Variants in ATAD2B observed in about 807,000 individuals in gnomAD.
ATAD2B encodes the protein ATPase family AAA domain containing 2B.
In ATAD2B, 40 loss-of-function variants were observed where a neutral mutation model predicts 167.6. That is an observed-to-expected ratio of 0.24 (90% confidence interval 0.19 to 0.31). The LOEUF is 0.31. ATAD2B is among the 10% of genes least tolerant of loss of function. The probability of loss-of-function intolerance (pLI) is 1.00; values close to 1 mark genes in which losing one functional copy is unlikely to be tolerated. For synonymous variants in ATAD2B, 579 were observed against 596.5 expected, an observed-to-expected ratio of 0.97 and a Z score of 0.43; for missense variants, 1,242 against 1,757.2, an observed-to-expected ratio of 0.71 and a Z score of 5.24.
chr2:23,867,965 C>A lies in ATAD2B; in HGVS notation c.1077-19G>T. The A allele has an allele frequency of 6.6e-7, 1 of 1,518,470 alleles. No individual in the cohort carries two copies. Among genetic ancestry groups the A allele is most frequent in the East Asian group, 2.3e-5 (1 of 44,302 alleles). The allele number at this position is 1,518,470 out of a possible 1,614,324, so 94.1% of individuals were successfully genotyped here. On this transcript the variant is annotated intron_variant, in intron 9 of 27. Transcript: ENST00000238789. ...CAAACATCTGAAATTTATAAAAGTG[C>A]AAGTAAAGTTGCATTAAAAGTTTCA...
downstream of ATAD2B, among the ~76,000 whole-genome samples, chr2:23,745,417 G>GAAGGAAGGAAGGAAGGA (rs1553367898): frequency 5.3e-5 from 6 of 113,406 alleles, no homozygotes; most frequent in East Asian, 6.5e-4. Context: ...AGGAAGGAAG[G>GAAGGAAGGAAGGAAGGA]AAGGAAAGGG....
At chr2:23,738,612 G>T in the ATAD2B span, among the ~76,000 whole-genome samples, 1 of 152,098 alleles carries the variant, frequency 6.6e-6, no homozygotes, top group Admixed American at 6.6e-5. Context: ...ATTGTAAAGA[G>T]CATCAAGGCT....
intron 8 of ATAD2B, among the ~76,000 whole-genome samples, chr2:23,874,684 A>C (rs936877223): frequency 1.3e-5 from 2 of 150,948 alleles, no homozygotes; most frequent in African/African-American, 4.9e-5. Flanking sequence ...ACAGAGCAAG[A>C]CCCTGTCTCA....
intron 19 of ATAD2B, among the ~76,000 whole-genome samples, chr2:23,790,748 T>C (rs1681558357): frequency 6.6e-6 from 1 of 152,250 alleles, no homozygotes; most frequent in Admixed American, 6.5e-5. Flanking sequence ...CACTCATTCC[T>C]GACCCCTTCT....
rs1337954364 is a variant in ATAD2B at position 23,807,842 on chromosome 2, T to TAC, written c.2454+2473_2454+2474insGT. Among the ~76,000 whole-genome samples the TAC allele has an allele frequency of 3.0e-5, 4 of 133,734 alleles. No individual in the cohort carries two copies. In the East Asian group the frequency reaches 8.1e-4, roughly 27 times the overall value. The allele number at this position is 133,734 out of a possible 152,430, so 87.7% of individuals were successfully genotyped here. On this transcript the variant is annotated intron_variant, in intron 18 of 27. Coordinates refer to ENST00000238789, the MANE Select transcript of ATAD2B (RefSeq NM_017552.4). Reference sequence around the variant, plus strand: ...AAAAAAAAAAAAATATATATATATATATAATAAAATATAAAATATATACAT... The same window carrying TAC: ...AAAAAAAAAAAAATATATATATATATACATAATAAAATATAAAATATATACAT...
chr2:23,823,019 G>A (rs571574027), intron 16 of ATAD2B, among the ~76,000 whole-genome samples: 1 of 148,328 alleles, frequency 6.7e-6, no homozygotes, highest in Non-Finnish European at 1.5e-5. Flanking sequence ...TCTAAAGATA[G>A]TAATAGCCCT....
the ATAD2B span, among the ~76,000 whole-genome samples, chr2:23,713,352 A>T: frequency 6.6e-6 from 1 of 151,948 alleles, no homozygotes; most frequent in Admixed American, 6.5e-5. Context: ...CCTTATTTTT[A>T]AACCCTTATC....
At chr2:23,864,037 T>G (rs1694800024) in intron 11 of ATAD2B, among the ~76,000 whole-genome samples, 1 of 66,290 alleles carries the variant, frequency 1.5e-5, no homozygotes, top group South Asian at 7.6e-4. Flanking sequence ...TTTTTTTTTC[T>G]GAGACGGAAT....
chr2:23,701,701 AG>A, the ATAD2B span, among the ~76,000 whole-genome samples: 5 of 151,906 alleles, frequency 3.3e-5, no homozygotes, highest in East Asian at 9.7e-4. Flanking sequence ...TAGGCAACAG[AG>A]CAAGACCCTG....
chr2:23,863,431 TCAAA>T lies in ATAD2B; in HGVS notation c.1425_1428del (p.Cys475Ter). On this transcript the variant is annotated frameshift_variant, in exon 12 of 28. Transcript: ENST00000238789. LOFTEE classifies it high-confidence loss of function. ...CTTTCAGATTCACCAACCCACTTGC[TCAAA>T]CAATCTGCTCCTTTTCGCATAAAAA... 6.4e-7 allele frequency: 1 copy of T among 1,552,402 alleles called. No individual in the cohort carries two copies. Among genetic ancestry groups the T allele is most frequent in the Non-Finnish European group, 8.7e-7 (1 of 1,147,152 alleles).
At chr2:23,705,124 C>G in the ATAD2B span, among the ~76,000 whole-genome samples, 1 of 152,234 alleles carries the variant, frequency 6.6e-6, no homozygotes, top group African/African-American at 2.4e-5. Context: ...TCTGACTACC[C>G]CGTCCACTGA....
chr2:23,767,908 CAA>C (rs536450571), intron 22 of ATAD2B, among the ~76,000 whole-genome samples: 9 of 133,918 alleles, frequency 6.7e-5, no homozygotes, highest in East Asian at 2.2e-4. Context: ...AAAAAACAAA[CAA>C]AAAAAAAAAC....
chr2:23,838,861 A>T (rs1690427382), intron 13 of ATAD2B, among the ~76,000 whole-genome samples: 1 of 152,046 alleles, frequency 6.6e-6, no homozygotes, highest in African/African-American at 2.4e-5. Flanking sequence ...AATTTTCTTA[A>T]CCCTAAGAGG....
intron 8 of ATAD2B, chr2:23,872,563 C>G: frequency 9.0e-7 from 1 of 1,110,766 alleles, no homozygotes; most frequent in Non-Finnish European, 1.4e-6. Context: ...AGGAGGGTAG[C>G]TGATCCTCCG....
the ATAD2B span, chr2:23,696,574 TC>T: frequency 7.5e-7 from 1 of 1,329,654 alleles, no homozygotes; most frequent in Non-Finnish European, 1.0e-6. The surrounding 1 kb of genome is among the most constrained non-coding windows in gnomAD (Gnocchi z 5.5). Context: ...TGAAATCACG[TC>T]ACTCACTGTA....
In ATAD2B at chr2:23,791,097, GT is replaced by G. The variant is rs1313477821; in HGVS notation, c.2641-2451del. Among the ~76,000 whole-genome samples the G allele has an allele frequency of 2.0e-5, 3 of 152,032 alleles. No homozygotes were observed. The East Asian group carries it at 5.8e-4, about 29-fold the overall frequency. On this transcript the variant is annotated intron_variant, in intron 19 of 27. Transcript: ENST00000238789. ...TGGCTTCTGTCACTTAAAACTTCAG[GT>G]TTTTCCAAGTTGTAGTATGTATTAG...
intron 1 of ATAD2B, among the ~76,000 whole-genome samples, chr2:23,904,820 C>A (rs1701287069): frequency 6.6e-6 from 1 of 152,018 alleles, no homozygotes; most frequent in South Asian, 2.1e-4. Context: ...CTTAGAAGTG[C>A]AGTCAATTTC....
chr2:23,889,329 G>A (rs778811415), intron 2 of ATAD2B, among the ~76,000 whole-genome samples: 4 of 151,752 alleles, frequency 2.6e-5, no homozygotes, highest in Admixed American at 1.3e-4. Flanking sequence ...CACCATGTCC[G>A]GCTAATTTTT....
the ATAD2B span, among the ~76,000 whole-genome samples, chr2:23,721,718 A>G: frequency 6.6e-6 from 1 of 152,050 alleles, no homozygotes; most frequent in Non-Finnish European, 1.5e-5. Flanking sequence ...AAACAGTCCC[A>G]TGGGCCACGG....
Sources: allele counts gnomAD v4.1 joint callset (sites outside exome capture counted in the v4.1 genomes callset), GRCh38; gene constraint gnomAD v4.1.1; non-coding constraint Gnocchi (gnomAD v3.1); transcripts MANE v1.5; gene names NCBI Gene and HGNC (gene_info 2026-07-23, HGNC 2026-07-21).